TLN2: variants seen among roughly 807,000 people sequenced by gnomAD.
The protein encoded by TLN2 is talin 2.
In TLN2, 118 loss-of-function variants were observed where a neutral mutation model predicts 294.7. That is an observed-to-expected ratio of 0.40 (90% CI 0.34 to 0.47). TLN2 has a LOEUF of 0.47. Among genes scored for constraint, TLN2 ranks in the 20% least tolerant of loss-of-function variants. TLN2 has a pLI of 0.84. For synonymous variants in TLN2, 1,431 were observed against 1,304.5 expected (o/e 1.10, Z -2.09); for missense variants, 3,083 against 3,282.2 (o/e 0.94, Z 1.48).
intron 3 of TLN2, among the ~76,000 whole-genome samples, chr15:62,619,922 T>C (rs2048641627): frequency 6.6e-6 from 1 of 152,190 alleles, no homozygotes; most frequent in Non-Finnish European, 1.5e-5. Context: ...TGGCAGAGAT[T>C]GAAGGTCTAT....
chr15:62,686,543 C>T lies in TLN2; in HGVS notation c.958-98C>T. On this transcript the variant is annotated intron_variant, in intron 11 of 58. Transcript: ENST00000636159. ...CTATAGCCCTACCTGTTTTGAAAGA[C>T]AGTGTATGCAGGTGAAAGGTCAAAA... 4 of 1,384,312 alleles carry T rather than the reference C, an allele frequency of 2.9e-6. No homozygotes were observed. The Middle Eastern group carries it at 5.5e-4, about 190-fold the overall frequency. The allele number at this position is 1,384,312 out of a possible 1,614,324, so 85.8% of individuals were successfully genotyped here.
At chr15:62,754,263 C>G (rs1275685072) in intron 36 of TLN2, 2 of 167,692 alleles carry the variant, frequency 1.2e-5, no homozygotes, top group Non-Finnish European at 2.5e-5. Context: ...TTTTCTACCC[C>G]TTGGCTCTTA....
chr15:62,797,509 T>G, intron 48 of TLN2, 107 bp downstream of exon 48: 1 of 1,254,362 alleles, frequency 8.0e-7, no homozygotes, highest in East Asian at 2.6e-5. Context: ...AAGTAGACAA[T>G]GTGTGTGTGA....
At chr15:62,467,747 A>G (rs968512337) in intron 1 of TLN2, among the ~76,000 whole-genome samples, 57 of 152,340 alleles carry the variant, frequency 3.7e-4, no homozygotes, top group African/African-American at 1.3e-3. Context: ...TTTGCATGAC[A>G]TGAATTTAAG....
rs1464012959 is a variant in TLN2, at chr15:62,701,999, T to G, written c.1704T>G (p.Pro568=). ...ASVVNLTAGD[P]ADTDYTAVGC... is the part of the protein sequence containing the mutation. ...GGTTCTTTTCTGTGCCAGGTGACCC[T>G]GCAGACACTGACTACACAGCTGTGG... The change falls in exon 18 of 59, where the codon CCT becomes CCG. Residue 568 remains proline (P), a synonymous_variant. Coordinates refer to ENST00000636159, the MANE Select transcript of TLN2 (RefSeq NM_015059.3). The G allele has an allele frequency of 6.2e-7, 1 of 1,614,132 alleles. No homozygotes were observed. The highest frequency in any genetic ancestry group is 1.7e-5 in the Admixed American group (1 of 60,026).
chr15:62,644,685 C>G, intron 3 of TLN2: 1 of 428,134 alleles, frequency 2.3e-6, no homozygotes, highest in Admixed American at 2.7e-5. Flanking sequence ...AGGGCTCCCT[C>G]CTTTGATTCT....
chr15:62,796,632 G>A (rs2065499785), intron 47 of TLN2, among the ~76,000 whole-genome samples: 1 of 152,090 alleles, frequency 6.6e-6, no homozygotes, highest in South Asian at 2.1e-4. Flanking sequence ...GGCATATTTC[G>A]CTTAAACCCT....
intron 37 of TLN2, among the ~76,000 whole-genome samples, chr15:62,757,160 A>G (rs7180539): frequency 0.63 from 96,047 of 152,142 alleles, 31,105 homozygotes; most frequent in Non-Finnish European, 0.71. Flanking sequence ...CTGAGGCACA[A>G]AGAGGTTAAG....
chr15:62,491,401 T>TATAC (rs2038721553), intron 1 of TLN2, among the ~76,000 whole-genome samples: 1 of 140,818 alleles, frequency 7.1e-6, no homozygotes, highest in Admixed American at 7.2e-5. Flanking sequence ...CACACATTTA[T>TATAC]ATAAGATGTA....
intron 25 of TLN2, among the ~76,000 whole-genome samples, chr15:62,721,946 T>C (rs1437267288): frequency 2.0e-5 from 3 of 152,184 alleles, no homozygotes; most frequent in Non-Finnish European, 4.4e-5. Flanking sequence ...AGGTGCGAGG[T>C]CATGTTAGCT....
intron 2 of TLN2, among the ~76,000 whole-genome samples, chr15:62,606,924 G>T (rs2047501119): frequency 6.6e-6 from 1 of 152,128 alleles, no homozygotes; most frequent in African/African-American, 2.4e-5. Flanking sequence ...GCTCCACGGT[G>T]GGCCACTGTT....
In TLN2 at chr15:62,833,522, G is replaced by A. The variant is rs760063033; in HGVS notation, c.7021G>A (p.Asp2341Asn). 6.2e-7 allele frequency: 1 copy of A among 1,613,954 alleles called. No homozygotes were observed. Among genetic ancestry groups the A allele is most frequent in the Non-Finnish European group, 8.5e-7 (1 of 1,179,986 alleles). ...AKPKQADETL[D>N]FEEQILEAAK... is the part of the protein sequence containing the mutation. ...GTTATAGCAAGCGGATGAGACCCTGGACTTTGAGGAACAGATCTTGGAAGC... is the reference window on the plus strand; with the variant it reads ...GTTATAGCAAGCGGATGAGACCCTGAACTTTGAGGAACAGATCTTGGAAGC... The change falls in exon 55 of 59, where the codon GAC becomes AAC. Residue 2341 changes from aspartate to asparagine, a missense_variant. Asp to Asn is a conservative substitution (Grantham distance 23). Coordinates refer to ENST00000636159, the MANE Select transcript of TLN2 (RefSeq NM_015059.3).
At chr15:62,741,895 A>G (rs532862671) in intron 32 of TLN2, among the ~76,000 whole-genome samples, 1 of 152,004 alleles carries the variant, frequency 6.6e-6, no homozygotes, top group South Asian at 2.1e-4. Context: ...CAGCCTGTCT[A>G]AACTTTCCCA....
At chr15:62,670,986 A>G (rs1027938634) in intron 9 of TLN2, among the ~76,000 whole-genome samples, 1 of 152,126 alleles carries the variant, frequency 6.6e-6, no homozygotes, top group Non-Finnish European at 1.5e-5. Flanking sequence ...CCTCGCGGGT[A>G]TGTATTGGTA....
chr15:62,568,129 G>A (rs1232512249), intron 1 of TLN2, among the ~76,000 whole-genome samples: 1 of 152,162 alleles, frequency 6.6e-6, no homozygotes, highest in Non-Finnish European at 1.5e-5. Flanking sequence ...TGAAGGGAAA[G>A]GGGGCTGGGC....
intron 1 of TLN2, among the ~76,000 whole-genome samples, chr15:62,421,892 G>A (rs2034422795): frequency 6.6e-6 from 1 of 152,122 alleles, no homozygotes; most frequent in South Asian, 2.1e-4. Context: ...AAAAAAGTGA[G>A]TGTTGCTGAG....
At chr15:62,606,092 T>G (rs74799090) in intron 2 of TLN2, among the ~76,000 whole-genome samples, 1 of 152,134 alleles carries the variant, frequency 6.6e-6, no homozygotes, top group African/African-American at 2.4e-5. Flanking sequence ...ATTTTTTTTT[T>G]GTTTTTTGAG....
chr15:62,618,074 C>G (rs2048460125), intron 2 of TLN2, among the ~76,000 whole-genome samples: 1 of 151,242 alleles, frequency 6.6e-6, no homozygotes, highest in African/African-American at 2.4e-5. Flanking sequence ...GTTGAGATTA[C>G]AGGCAAGAGC....
chr15:62,644,523 A>T lies in TLN2; in HGVS notation c.-36-2752A>T, dbSNP rs778283135. ...ACCTCTCAAGGAAACTCACCTCCAA[A>T]TCTTTGTCCCCAGCAGCCTTTCTTG... is the stretch of plus-strand genomic sequence containing the variant. On this transcript the variant is annotated intron_variant, in intron 3 of 58. Coordinates refer to ENST00000636159, the MANE Select transcript of TLN2 (RefSeq NM_015059.3). 40 of 455,664 alleles carry T rather than the reference A, an allele frequency of 8.8e-5. 1 individual carries two copies. The highest frequency in any genetic ancestry group is 6.2e-4 in the South Asian group (40 of 64,534). The allele number at this position is 455,664 out of a possible 1,614,324, so 28.2% of individuals were successfully genotyped here.
Sources: gnomAD v4.1 joint callset for allele counts (sites outside exome capture counted in the v4.1 genomes callset) on GRCh38, gnomAD v4.1.1 for gene constraint, MANE v1.5 for transcripts, NCBI Gene and HGNC (gene_info 2026-07-23, HGNC 2026-07-21) for gene names.